SMPD3: variants seen among roughly 807,000 people sequenced by gnomAD.
SMPD3 encodes the protein nSMase-2.
A neutral mutation model predicts 55.7 loss-of-function variants in SMPD3; 21 were observed. The observed-to-expected ratio is 0.38, with a 90% CI of 0.27 to 0.54. SMPD3 has a LOEUF of 0.54. Ranked by LOEUF, SMPD3 falls within the 20% of genes least tolerant of loss-of-function variation. The pLI, the probability that SMPD3 is intolerant of heterozygous loss-of-function variation, is 0.80. For synonymous variants in SMPD3, 457 were observed against 404.3 expected (o/e 1.13, Z -1.56); for missense variants, 842 against 899.6 (o/e 0.94, Z 0.82).
intron 5 of SMPD3, 69 bp downstream of exon 5, chr16:68,364,682 G>A (rs1375184994): frequency 6.5e-7 from 1 of 1,529,438 alleles, no homozygotes; most frequent in Non-Finnish European, 8.9e-7. Flanking sequence ...AACGAAGTCT[G>A]TCTAGCTGTG....
rs543675289 is a variant in SMPD3, at chr16:68,419,314, A to G, written c.-269+29039T>C. 9.8e-5 allele frequency among the ~76,000 whole-genome samples: 15 copies of G among 152,364 alleles called. No individual in the cohort carries two copies. In the South Asian group the frequency reaches 1.7e-3, roughly 17 times the overall value. ...CAGGGACTGGCTGAAGTTCTGGAAC[A>G]TGCATTGAGCACATTAACAAGACTG... On this transcript the variant is annotated intron_variant, in intron 1 of 8. Coordinates refer to ENST00000219334, the MANE Select transcript of SMPD3 (RefSeq NM_018667.4).
At chr16:68,408,008 A>G (rs1281303241) in intron 1 of SMPD3, among the ~76,000 whole-genome samples, 2 of 152,204 alleles carry the variant, frequency 1.3e-5, no homozygotes, top group African/African-American at 4.8e-5. Context: ...AGAAATAGGA[A>G]ATTGGAACCC....
intron 1 of SMPD3, among the ~76,000 whole-genome samples, chr16:68,424,257 A>G (rs2152025992): frequency 6.6e-6 from 1 of 152,030 alleles, no homozygotes; most frequent in South Asian, 2.1e-4. Context: ...TATCCTAAAG[A>G]TACCATCTTG....
intron 8 of SMPD3, 102 bp downstream of exon 8, chr16:68,361,501 G>T (rs1033940865): frequency 4.7e-6 from 7 of 1,505,236 alleles, no homozygotes; most frequent in Non-Finnish European, 6.3e-6. Context: ...TTGTAAGAGT[G>T]GCCTGGGGCG....
At chr16:68,382,590 G>A (rs914059432) in intron 2 of SMPD3, among the ~76,000 whole-genome samples, 3 of 152,210 alleles carry the variant, frequency 2.0e-5, no homozygotes, top group African/African-American at 7.2e-5. Flanking sequence ...GGAGCAAGCC[G>A]TGAGCAAGGG....
chr16:68,411,372 C>T (rs928927389), intron 1 of SMPD3, among the ~76,000 whole-genome samples: 1 of 152,220 alleles, frequency 6.6e-6, no homozygotes, highest in African/African-American at 2.4e-5. Flanking sequence ...GGACAACCAC[C>T]ATCCTCTACA....
chr16:68,394,759 G>T (rs1376526075), intron 1 of SMPD3, among the ~76,000 whole-genome samples: 5 of 152,160 alleles, frequency 3.3e-5, no homozygotes, highest in Non-Finnish European at 5.9e-5. Flanking sequence ...TACAATATGA[G>T]ACTTTTTTTG....
At chr16:68,394,671 T>C (rs1446681318) in intron 1 of SMPD3, among the ~76,000 whole-genome samples, 1 of 152,280 alleles carries the variant, frequency 6.6e-6, no homozygotes, top group East Asian at 1.9e-4. Context: ...ACAGCTGCTT[T>C]GGGCAGGTTC....
In SMPD3 at chr16:68,372,373, G is replaced by A. The variant is rs1383705861; in HGVS notation, c.-192C>T. On this transcript the variant is annotated 5_prime_UTR_variant, in exon 3 of 9. Coordinates refer to ENST00000219334, the MANE Select transcript of SMPD3 (RefSeq NM_018667.4). ...GGTTCACCTCGGTGGGCCATGCGGAGGCCTACTGCAGACCCTGCAGAGACA... is the reference window on the plus strand; with the variant it reads ...GGTTCACCTCGGTGGGCCATGCGGAAGCCTACTGCAGACCCTGCAGAGACA... 8 of 700,780 alleles carry A rather than the reference G, an allele frequency of 1.1e-5. No individual in the cohort carries two copies. In the East Asian group the frequency reaches 2.2e-4, roughly 19 times the overall value. The allele number at this position is 700,780 out of a possible 1,614,324, so 43.4% of individuals were successfully genotyped here.
At chr16:68,394,423 A>G (rs8050499) in intron 1 of SMPD3, among the ~76,000 whole-genome samples, 27,407 of 152,094 alleles carry the variant, frequency 0.18, 2,646 homozygotes, top group African/African-American at 0.21. Flanking sequence ...AATTACAGCT[A>G]TTATTTTTTC....
chr16:68,363,805 C>T lies in SMPD3; in HGVS notation c.1617G>A (p.Gly539=). 1 of 1,570,272 alleles carries T rather than the reference C, an allele frequency of 6.4e-7. No homozygotes were observed. The highest frequency in any genetic ancestry group is 2.3e-5 in the East Asian group (1 of 42,762). ...FTHYRDPCRL[G]PGEEKPWAIG... Reference sequence around the variant, plus strand: ...TGGCCCACGGCTTCTCCTCACCAGGCCCCAGGCGGCAGGGGTCCCTGTAGT... The same window carrying T: ...TGGCCCACGGCTTCTCCTCACCAGGTCCCAGGCGGCAGGGGTCCCTGTAGT... The change falls in exon 6 of 9, where the codon GGG becomes GGA. Residue 539 remains glycine, a synonymous_variant. Transcript: ENST00000219334.
At chr16:68,411,046 G>A (rs539565945) in intron 1 of SMPD3, among the ~76,000 whole-genome samples, 1 of 152,362 alleles carries the variant, frequency 6.6e-6, no homozygotes, top group African/African-American at 2.4e-5. Flanking sequence ...TGACAGAGAA[G>A]GCCAGAGTTT....
At chr16:68,393,112 A>G (rs933695635) in intron 1 of SMPD3, among the ~76,000 whole-genome samples, 22 of 152,158 alleles carry the variant, frequency 1.4e-4, no homozygotes, top group Admixed American at 1.2e-3. Context: ...TAACATGAAA[A>G]TGGACCAGGA....
At chr16:68,382,503 C>T (rs773329612) in intron 2 of SMPD3, among the ~76,000 whole-genome samples, 6 of 152,292 alleles carry the variant, frequency 3.9e-5, no homozygotes, top group Non-Finnish European at 7.4e-5. Flanking sequence ...AGAGACTTTG[C>T]CTCCTAGTTG....
intron 1 of SMPD3, among the ~76,000 whole-genome samples, chr16:68,446,199 G>A (rs1442530655): frequency 1.3e-5 from 2 of 152,162 alleles, no homozygotes; most frequent in East Asian, 1.9e-4. Context: ...GTAGGATAAA[G>A]CTTCTGATAA....
At chr16:68,364,203 T>G (rs567273004) in intron 5 of SMPD3, among the ~76,000 whole-genome samples, 1 of 152,160 alleles carries the variant, frequency 6.6e-6, no homozygotes, top group Non-Finnish European at 1.5e-5. Context: ...TTACAGCAAG[T>G]GTTTGCTGTT....
intron 1 of SMPD3, among the ~76,000 whole-genome samples, chr16:68,398,767 C>G (rs961298231): frequency 4.6e-5 from 7 of 152,170 alleles, no homozygotes; most frequent in African/African-American, 1.7e-4. Flanking sequence ...AGAAAAGCCA[C>G]CTAGGAATGA....
At chr16:68,379,015 C>T (rs1304635427) in intron 2 of SMPD3, among the ~76,000 whole-genome samples, 6 of 152,230 alleles carry the variant, frequency 3.9e-5, no homozygotes, top group African/African-American at 1.4e-4. Context: ...TCCCCTTTTC[C>T]TTGCTCTAGT....
chr16:68,393,487 A>G (rs1442448028), intron 1 of SMPD3, among the ~76,000 whole-genome samples: 2 of 152,288 alleles, frequency 1.3e-5, no homozygotes, highest in Admixed American at 6.5e-5. Flanking sequence ...TGGCTAGTGA[A>G]GTTGCTCACT....
Sources: gnomAD v4.1 joint callset for allele counts (sites outside exome capture counted in the v4.1 genomes callset) on GRCh38, gnomAD v4.1.1 for gene constraint, MANE v1.5 for transcripts, NCBI Gene and HGNC (gene_info 2026-07-23, HGNC 2026-07-21) for gene names.